ALKBH8: variants seen among roughly 807,000 people sequenced by gnomAD.
ALKBH8 encodes alkB homolog 8, tRNA methyltransferase, also known as tRNA (carboxymethyluridine(34)-5-O)-methyltransferase ALKBH8.
Under a neutral mutation model 59.8 loss-of-function variants are expected in ALKBH8, and 36 were observed. That is an observed-to-expected ratio of 0.60 (90% CI 0.46 to 0.79). ALKBH8 has a LOEUF of 0.79. Ranked by LOEUF, ALKBH8 falls within the 30% of genes least tolerant of loss-of-function variation. The pLI, the probability that ALKBH8 is intolerant of heterozygous loss-of-function variation, is 0.00. For synonymous variants in ALKBH8, 276 were observed against 273.6 expected (o/e 1.01, Z -0.09); for missense variants, 768 against 801.0 (o/e 0.96, Z 0.50).
chr11:107,541,362 T>C (rs1864027092), intron 7 of ALKBH8, among the ~76,000 whole-genome samples: 1 of 152,206 alleles, frequency 6.6e-6, no homozygotes, highest in Non-Finnish European at 1.5e-5. Context: ...AAGTTACTAA[T>C]AGGGATAAGC....
chr11:107,556,849 C>T lies in ALKBH8; in HGVS notation c.284G>A (p.Arg95Lys), dbSNP rs150490382. The T allele has an allele frequency of 6.3e-6, 10 of 1,594,808 alleles. No homozygotes were observed. In the African/African-American group the frequency reaches 1.2e-4, roughly 19 times the overall value. Reference protein sequence around the residue: ...ARYRTTEESKRAYVTLNGKEV... With the variant: ...ARYRTTEESKKAYVTLNGKEV... ...TTTTCCATTGAGGGTAACATAGGCTCTCTTAGATTCTTCTGTAGTTCTGTA... is the reference window on the plus strand; with the variant it reads ...TTTTCCATTGAGGGTAACATAGGCTTTCTTAGATTCTTCTGTAGTTCTGTA... Residue 95 changes from arginine to lysine, a missense_variant, in exon 3 of 12, where the codon AGA becomes AAA. By Grantham distance (26) the Arg-to-Lys change is conservative. Coordinates refer to ENST00000428149, the MANE Select transcript of ALKBH8 (RefSeq NM_138775.3).
intron 7 of ALKBH8, among the ~76,000 whole-genome samples, chr11:107,535,135 T>C (rs964977907): frequency 6.6e-6 from 1 of 152,216 alleles, no homozygotes; most frequent in African/African-American, 2.4e-5. Context: ...TATACCACAT[T>C]TTCTTTATCC....
chr11:107,554,108 A>G, intron 3 of ALKBH8, 130 bp from the exon 4 acceptor site: 2 of 1,123,648 alleles, frequency 1.8e-6, no homozygotes, highest in South Asian at 1.5e-5. Context: ...GATTGCTGAA[A>G]GGCACCCAAC....
chr11:107,504,522 A>T lies in ALKBH8; in HGVS notation c.*136T>A. 1.9e-6 allele frequency: 2 copies of T among 1,080,608 alleles called. No individual in the cohort carries two copies. Among genetic ancestry groups the T allele is most frequent in the Non-Finnish European group, 2.7e-6 (2 of 728,104 alleles). The allele number at this position is 1,080,608 out of a possible 1,614,324, so 66.9% of individuals were successfully genotyped here. ...TTTGAATGTCTCCTAATGAATCCCTACTTCCAAATTTTTCTCAGCTTTCCT... is the reference window on the plus strand; with the variant it reads ...TTTGAATGTCTCCTAATGAATCCCTTCTTCCAAATTTTTCTCAGCTTTCCT... On this transcript the variant is annotated 3_prime_UTR_variant, in exon 12 of 12. Transcript: ENST00000428149.
intron 10 of ALKBH8, among the ~76,000 whole-genome samples, chr11:107,518,952 T>G (rs1591262061): frequency 6.6e-6 from 1 of 152,162 alleles, no homozygotes; most frequent in Non-Finnish European, 1.5e-5. Flanking sequence ...GCAACAGGCA[T>G]GCACCACCAT....
chr11:107,547,229 G>A (rs1864298906), intron 7 of ALKBH8, among the ~76,000 whole-genome samples: 1 of 152,196 alleles, frequency 6.6e-6, no homozygotes, highest in South Asian at 2.1e-4. Flanking sequence ...AAGAAATAGG[G>A]CCAAAGGTAT....
intron 10 of ALKBH8, among the ~76,000 whole-genome samples, chr11:107,511,560 T>TC (rs1862626645): frequency 6.6e-6 from 1 of 151,508 alleles, no homozygotes. Context: ...GAAAATAAAA[T>TC]CCCCCCCAAA....
intron 10 of ALKBH8, among the ~76,000 whole-genome samples, chr11:107,521,564 C>T (rs1339831971): frequency 6.6e-6 from 1 of 151,944 alleles, no homozygotes; most frequent in Admixed American, 6.6e-5. Context: ...TCTAGAGAAA[C>T]GGAAGCTCCA....
chr11:107,506,384 G>A (rs75793554), intron 11 of ALKBH8, among the ~76,000 whole-genome samples: 3 of 151,600 alleles, frequency 2.0e-5, no homozygotes, highest in East Asian at 1.9e-4. Context: ...TGTTAAAAAT[G>A]AGGACCAAAG....
rs1259307375 is a variant in ALKBH8, at chr11:107,548,610, T to C, written c.771+1143A>G. Among the ~76,000 whole-genome samples, 3 of 152,342 alleles carry C rather than the reference T, an allele frequency of 2.0e-5. No individual in the cohort carries two copies. In the East Asian group the frequency reaches 5.8e-4, roughly 29 times the overall value. ...GAATCTACATACATAGTTAATAAGA[T>C]GGTTGTGTCATATCAAACACCACTA... On this transcript the variant is annotated intron_variant, in intron 7 of 11. Coordinates refer to ENST00000428149, the MANE Select transcript of ALKBH8 (RefSeq NM_138775.3).
Position 107,510,982 on chromosome 11 carries a change from G to A in ALKBH8, c.1342C>T (p.Gln448Ter). ...GCCAATGCATCACAGACAAAAGCCT[G>A]AAATTGCCTCTCTCTACAAATGTCC... is the stretch of plus-strand genomic sequence containing the variant. ...LVDICRERQF[Q>*]AFVCDALAVP... The change falls in exon 11 of 12, where the codon CAG becomes TAG. Residue 448 changes from glutamine to a stop codon, truncating the protein, a stop_gained. Transcript: ENST00000428149. LOFTEE classifies it high-confidence loss of function. The A allele has an allele frequency of 6.4e-7, 1 of 1,551,950 alleles. No homozygotes were observed. Among genetic ancestry groups the A allele is most frequent in the Non-Finnish European group, 8.7e-7 (1 of 1,147,000 alleles).
chr11:107,557,062 T>C, intron 2 of ALKBH8, 59 bp from the exon 3 acceptor site: 2 of 1,183,682 alleles, frequency 1.7e-6, no homozygotes, highest in Non-Finnish European at 2.3e-6. Flanking sequence ...TACCAACCCA[T>C]TTGTTTTAAA....
Position 107,551,884 on chromosome 11 carries a change from C to CA in ALKBH8, c.623dup (p.Leu208PhefsTer11). 6.5e-7 allele frequency: 1 copy of CA among 1,542,452 alleles called. No individual in the cohort carries two copies. Among genetic ancestry groups the CA allele is most frequent in the Non-Finnish European group, 8.7e-7 (1 of 1,149,790 alleles). ...TGTAACCTTTCCTCAACCATTTCTC[C>CA]AAAAAGCTTTCACAAATGTCAGGAA... On this transcript the variant is annotated frameshift_variant, in exon 6 of 12. Transcript: ENST00000428149. LOFTEE classifies it high-confidence loss of function.
At chr11:107,552,133 C>T (rs1227933676) in intron 5 of ALKBH8, among the ~76,000 whole-genome samples, 2 of 151,114 alleles carry the variant, frequency 1.3e-5, no homozygotes, top group African/African-American at 4.9e-5. Context: ...TTTAAAAGAA[C>T]AATTCTAACA....
chr11:107,510,478 T>C (rs1291059807), intron 11 of ALKBH8, among the ~76,000 whole-genome samples: 1 of 151,986 alleles, frequency 6.6e-6, no homozygotes, highest in Admixed American at 6.6e-5. Context: ...AACTATGGGT[T>C]GAGAAAGAAA....
chr11:107,563,429 G>A (rs1436165939), intron 1 of ALKBH8: 1 of 152,190 alleles, frequency 6.6e-6, no homozygotes, highest in East Asian at 1.9e-4. Flanking sequence ...AATCCTAGAT[G>A]AGTTGGTTAT....
At chr11:107,554,350 A>G (rs1255755361) in intron 3 of ALKBH8, among the ~76,000 whole-genome samples, 1 of 152,180 alleles carries the variant, frequency 6.6e-6, no homozygotes, top group Non-Finnish European at 1.5e-5. Flanking sequence ...TTTTGCTCTT[A>G]GGCTCTTGAT....
chr11:107,549,605 A>C (rs1591313646), intron 7 of ALKBH8, 148 bp downstream of exon 7: 1 of 486,598 alleles, frequency 2.1e-6, no homozygotes, highest in Non-Finnish European at 3.5e-6. Context: ...AAAGAAGAGG[A>C]CATTTAAAAG....
Position 107,560,827 on chromosome 11 carries a change from T to C in ALKBH8, c.67A>G (p.Ile23Val). Residue 23 changes from isoleucine (I) to valine (V), a missense_variant, in exon 2 of 12, where the codon ATT becomes GTT. Transcript: ENST00000428149. Reference sequence around the variant, plus strand: ...CTCAGCAAAGTATGCTTGGCTTTAATCTGTTTCCTTAAGAACTTCTTCTCA... The same window carrying C: ...CTCAGCAAAGTATGCTTGGCTTTAACCTGTTTCCTTAAGAACTTCTTCTCA... ...KTEKKFLRKQIKAKHTLLRHE... is the reference protein window; with the variant it reads ...KTEKKFLRKQVKAKHTLLRHE... 1 of 1,613,466 alleles carries C rather than the reference T, an allele frequency of 6.2e-7. No homozygotes were observed. The highest frequency in any genetic ancestry group is 8.5e-7 in the Non-Finnish European group (1 of 1,179,672).
Sources: gnomAD v4.1 joint callset for allele counts (sites outside exome capture counted in the v4.1 genomes callset) on GRCh38, gnomAD v4.1.1 for gene constraint, MANE v1.5 for transcripts, NCBI Gene and HGNC (gene_info 2026-07-23, HGNC 2026-07-21) for gene names.